Variants in TBCD observed in about 807,000 individuals in gnomAD.
TBCD encodes the protein tubulin-specific chaperone D.
A neutral mutation model predicts 169.3 loss-of-function variants in TBCD; 105 were observed. The ratio of observed to expected loss-of-function variants is 0.62; its 90% CI spans 0.53 to 0.73. The LOEUF is 0.73. Among genes scored for constraint, TBCD ranks in the 30% least tolerant of loss-of-function variants. The pLI, the probability that TBCD is intolerant of heterozygous loss-of-function variation, is 0.00. For synonymous variants in TBCD, 700 were observed against 643.9 expected, an observed-to-expected ratio of 1.09 and a Z score of -1.32; for missense variants, 1,444 against 1,600.1, an observed-to-expected ratio of 0.90 and a Z score of 1.66.
rs1275982653 is a variant in TBCD at position 82,874,676 on chromosome 17, C to T, written c.1475+4296C>T. On this transcript the variant is annotated intron_variant, in intron 14 of 38. Coordinates refer to ENST00000355528, the MANE Select transcript of TBCD (RefSeq NM_005993.5). This position sits in a 1 kb window ranked among gnomAD's most constrained non-coding sequence, Gnocchi z 5.0. ...CTTGGCCCACGCAGACTCCAGGCAT[C>T]CGGCCGGGCGGGCTGTGAGTCAGGC... Among the ~76,000 whole-genome samples the T allele has an allele frequency of 6.6e-6, 1 of 152,202 alleles. No individual in the cohort carries two copies. Among genetic ancestry groups the T allele is most frequent in the Non-Finnish European group, 1.5e-5 (1 of 68,030 alleles).
chr17:82,791,838 A>G (rs1188071012), intron 7 of TBCD, among the ~76,000 whole-genome samples: 1 of 152,060 alleles, frequency 6.6e-6, no homozygotes, highest in Non-Finnish European at 1.5e-5. Context: ...ACTTAAACAT[A>G]GATGGTGTGG....
In TBCD at chr17:82,806,993, T is replaced by A. The variant is rs1475508001; in HGVS notation, c.1088-615T>A. Among the ~76,000 whole-genome samples the A allele has an allele frequency of 6.6e-6, 1 of 152,304 alleles. No individual in the cohort carries two copies. The highest frequency in any genetic ancestry group is 2.4e-5 in the African/African-American group (1 of 41,572). On this transcript the variant is annotated intron_variant, in intron 10 of 38. Coordinates refer to ENST00000355528, the MANE Select transcript of TBCD (RefSeq NM_005993.5). This position sits in a 1 kb window ranked among gnomAD's most constrained non-coding sequence, Gnocchi z 5.1. ...TGCAGGCAGTCCCCCCTGCCCGCAT[T>A]CCAGCTGCTGTGCTGGCTCCAGACT... is the stretch of plus-strand genomic sequence containing the variant.
chr17:82,914,384 C>T (rs542481225), intron 23 of TBCD, among the ~76,000 whole-genome samples: 124 of 152,334 alleles, frequency 8.1e-4, no homozygotes, highest in African/African-American at 2.5e-3. Flanking sequence ...ATGCATCCCT[C>T]AGGGTTCACG....
intron 27 of TBCD, among the ~76,000 whole-genome samples, chr17:82,925,338 C>T (rs769858893): frequency 5.9e-5 from 9 of 152,188 alleles, no homozygotes; most frequent in African/African-American, 9.7e-5. Context: ...AAGCAGCTGC[C>T]GAGAGTGAGG....
chr17:82,909,714 G>A (rs1024345243), intron 22 of TBCD, among the ~76,000 whole-genome samples: 38 of 151,990 alleles, frequency 2.5e-4, no homozygotes, highest in African/African-American at 8.7e-4. Flanking sequence ...CACCCGGCCC[G>A]CTGTGGGAGG....
intron 14 of TBCD, among the ~76,000 whole-genome samples, chr17:82,873,021 G>A (rs1430304741): frequency 1.4e-5 from 2 of 143,426 alleles, no homozygotes; most frequent in East Asian, 3.9e-4. Context: ...AGGCCCGTCT[G>A]GGCAGCAGCT....
intron 23 of TBCD, among the ~76,000 whole-genome samples, chr17:82,912,745 C>G (rs1025804717): frequency 6.6e-6 from 1 of 152,248 alleles, no homozygotes; most frequent in South Asian, 2.1e-4. Context: ...CTGTCCACAC[C>G]TCCCAGCCCT....
intron 17 of TBCD, among the ~76,000 whole-genome samples, chr17:82,899,320 CGCGCGCGTCCTCAGCTCGTGTCCTCAGT>C (rs1426155385): frequency 2.0e-5 from 3 of 147,022 alleles, no homozygotes; most frequent in Non-Finnish European, 4.5e-5. Context: ...GTGTCCTCAG[CGCGCGCGTCCTCAGCTCGTGTCCTCAGT>C]GCGTGTCCGC....
intron 3 of TBCD, among the ~76,000 whole-genome samples, chr17:82,765,602 C>T (rs1342596380): frequency 6.6e-6 from 1 of 152,168 alleles, no homozygotes; most frequent in Non-Finnish European, 1.5e-5. Context: ...GGTGAGCTGC[C>T]AAGGACACGC....
chr17:82,811,179 T>C (rs866262926), intron 12 of TBCD, among the ~76,000 whole-genome samples: 1 of 152,304 alleles, frequency 6.6e-6, no homozygotes, highest in Middle Eastern at 3.4e-3. Flanking sequence ...TGTCCTCCTG[T>C]CGCCTGGTGC....
intron 18 of TBCD, among the ~76,000 whole-genome samples, chr17:82,902,149 A>G (rs2059935060): frequency 6.6e-6 from 1 of 151,966 alleles, no homozygotes; most frequent in South Asian, 2.1e-4. Context: ...TTCCTAATGT[A>G]TTGACCCTTT....
intron 17 of TBCD, among the ~76,000 whole-genome samples, chr17:82,897,936 C>T (rs2059600903): frequency 6.6e-6 from 1 of 151,760 alleles, no homozygotes; most frequent in Admixed American, 6.6e-5. Context: ...CATTGAGCCC[C>T]CGTGGGTTTT....
chr17:82,933,650 C>T (rs899817483), intron 34 of TBCD, among the ~76,000 whole-genome samples: 3 of 151,946 alleles, frequency 2.0e-5, no homozygotes, highest in Non-Finnish European at 4.4e-5. Context: ...TGGAGTCTTG[C>T]TCTGTTGCCC....
At chr17:82,867,983 G>A (rs537065157) in intron 13 of TBCD, among the ~76,000 whole-genome samples, 2 of 152,298 alleles carry the variant, frequency 1.3e-5, no homozygotes, top group African/African-American at 4.8e-5. Flanking sequence ...AGTCATGGCC[G>A]AGAGAGGGAA....
At chr17:82,779,022 T>G (rs2048778291) in intron 6 of TBCD, among the ~76,000 whole-genome samples, 1 of 147,350 alleles carries the variant, frequency 6.8e-6, no homozygotes, top group Non-Finnish European at 1.5e-5. Flanking sequence ...ATTTATTTAT[T>G]TATTTATTTT....
At chr17:82,893,325 T>C (rs958329967) in intron 16 of TBCD, 2 of 549,312 alleles carry the variant, frequency 3.6e-6, no homozygotes, top group African/African-American at 3.8e-5. Context: ...TTGTGAGTGG[T>C]TTCAATGATT....
chr17:82,829,147 G>A (rs1422965258), intron 13 of TBCD, among the ~76,000 whole-genome samples: 1 of 151,820 alleles, frequency 6.6e-6, no homozygotes, highest in Non-Finnish European at 1.5e-5. Context: ...ACAATAGAAT[G>A]TGCACACACC....
intron 13 of TBCD, chr17:82,865,422 G>C: frequency 1.0e-6 from 1 of 972,428 alleles, no homozygotes; most frequent in South Asian, 4.8e-5. Context: ...GCTCTGCAGG[G>C]GCCTGAGCAG....
intron 13 of TBCD, chr17:82,829,719 C>T (rs1334193473): frequency 5.5e-6 from 1 of 182,400 alleles, no homozygotes; most frequent in Non-Finnish European, 1.2e-5. Flanking sequence ...ACATATGGCA[C>T]TTTAATGTTA....
Sources: allele counts gnomAD v4.1 joint callset (sites outside exome capture counted in the v4.1 genomes callset), GRCh38; gene constraint gnomAD v4.1.1; non-coding constraint Gnocchi (gnomAD v3.1); transcripts MANE v1.5; gene names NCBI Gene and HGNC (gene_info 2026-07-23, HGNC 2026-07-21).